The following SND1 variants were observed in gnomAD, a reference collection of about 807,000 sequenced individuals.
The protein encoded by SND1 is staphylococcal nuclease and tudor domain containing 1.
A neutral mutation model predicts 121.7 loss-of-function variants in SND1; 38 were observed. The ratio of observed to expected loss-of-function variants is 0.31; its 90% CI spans 0.24 to 0.41. SND1 has a LOEUF of 0.41. Ranked by LOEUF, SND1 falls within the 10% of genes least tolerant of loss-of-function variation. The pLI, the probability that SND1 is intolerant of heterozygous loss-of-function variation, is 1.00. For missense variants in SND1, 868 were observed against 1,184.6 expected (o/e 0.73, Z 3.92); for synonymous variants, 401 against 447.4 (o/e 0.90, Z 1.31).
chr7:128,025,498 T>C (rs1767359810), intron 16 of SND1, among the ~76,000 whole-genome samples: 3 of 152,230 alleles, frequency 2.0e-5, no homozygotes, highest in Non-Finnish European at 4.4e-5. Flanking sequence ...CAAGAGTCTT[T>C]ACATCCAACG....
intron 16 of SND1, among the ~76,000 whole-genome samples, chr7:128,035,288 A>G (rs1451907473): frequency 6.6e-6 from 1 of 152,240 alleles, no homozygotes; most frequent in Admixed American, 6.5e-5. Flanking sequence ...CCCATCTCAG[A>G]TATGTAGCTC....
chr7:127,937,879 C>G (rs1801096202), intron 15 of SND1, among the ~76,000 whole-genome samples: 1 of 152,218 alleles, frequency 6.6e-6, no homozygotes, highest in Non-Finnish European at 1.5e-5. Flanking sequence ...GTGAGAAATC[C>G]CATTCTGCTA....
intron 9 of SND1, among the ~76,000 whole-genome samples, chr7:127,713,752 C>A (rs558023099): frequency 1.9e-4 from 29 of 152,336 alleles, no homozygotes; most frequent in African/African-American, 7.0e-4. Context: ...ACAAAGTATT[C>A]TCTGATACAT....
At chr7:127,937,997 A>C (rs1801098641) in intron 15 of SND1, among the ~76,000 whole-genome samples, 1 of 152,244 alleles carries the variant, frequency 6.6e-6, no homozygotes, top group Non-Finnish European at 1.5e-5. Flanking sequence ...TTCCTTTCAG[A>C]TGCTTTAATT....
Position 128,012,618 on chromosome 7 carries a change from T to C in SND1, c.1779+21562T>C, listed in dbSNP as rs554902950. ...GCCTCTTTTGTGTCTTCAGTGCCTA[T>C]TCCAACTCCCAAGCACTATTTTGCT... On this transcript the variant is annotated intron_variant, in intron 16 of 23. Coordinates refer to ENST00000354725, the MANE Select transcript of SND1 (RefSeq NM_014390.4). Among the ~76,000 whole-genome samples, 110 of 152,328 alleles carry C rather than the reference T, an allele frequency of 7.2e-4. 1 individual carries two copies. In the South Asian group the frequency reaches 0.022, roughly 31 times the overall value.
At chr7:127,952,090 C>G (rs1801475055) in intron 15 of SND1, among the ~76,000 whole-genome samples, 1 of 152,154 alleles carries the variant, frequency 6.6e-6, no homozygotes, top group Non-Finnish European at 1.5e-5. Flanking sequence ...CCAAAAGACT[C>G]TAAACTCCTT....
chr7:127,716,022 T>C (rs1255923965), intron 9 of SND1, among the ~76,000 whole-genome samples: 1 of 152,230 alleles, frequency 6.6e-6, no homozygotes, highest in African/African-American at 2.4e-5. Context: ...CATTTGACTG[T>C]ATATGCAAGG....
rs77214615 is a variant in SND1, at chr7:127,691,239, A to G, written c.229-3589A>G. Among the ~76,000 whole-genome samples, 1,210 of 152,238 alleles carry G rather than the reference A, an allele frequency of 7.9e-3. 7 individuals are homozygous for G. Among genetic ancestry groups the G allele is most frequent in the Non-Finnish European group, 0.011 (769 of 68,006 alleles). On this transcript the variant is annotated intron_variant, in intron 2 of 23. Coordinates refer to ENST00000354725, the MANE Select transcript of SND1 (RefSeq NM_014390.4). ...ATAAAAAAAAAAATTAAGAAATACT[A>G]TCTTTAAAAAATAATAAAAGTGGCT...
At chr7:127,842,256 G>A (rs562877285) in intron 11 of SND1, among the ~76,000 whole-genome samples, 19 of 152,258 alleles carry the variant, frequency 1.2e-4, no homozygotes, top group South Asian at 1.0e-3. Flanking sequence ...GAAGGCTTCC[G>A]TCTCCTTGAT....
intron 11 of SND1, among the ~76,000 whole-genome samples, chr7:127,815,721 A>T (rs1472013126): frequency 6.6e-6 from 1 of 151,954 alleles, no homozygotes; most frequent in Non-Finnish European, 1.5e-5. Flanking sequence ...CTACACCTTG[A>T]TTTTCAACTT....
intron 15 of SND1, among the ~76,000 whole-genome samples, chr7:127,960,668 A>G (rs991412497): frequency 6.6e-5 from 10 of 152,320 alleles, no homozygotes; most frequent in African/African-American, 2.4e-4. Context: ...TAGACATTAA[A>G]TCTGTATCCA....
intron 10 of SND1, among the ~76,000 whole-genome samples, chr7:127,744,248 T>A (rs186997116): frequency 1.3e-5 from 2 of 151,910 alleles, no homozygotes; most frequent in African/African-American, 4.8e-5. Context: ...TTAATTTTTT[T>A]CCCCCCCGTT....
intron 12 of SND1, among the ~76,000 whole-genome samples, chr7:127,881,689 G>C (rs1799793285): frequency 6.6e-6 from 1 of 152,124 alleles, no homozygotes; most frequent in Non-Finnish European, 1.5e-5. Context: ...GCCCCTTCAT[G>C]GTTTGACTCT....
At chr7:128,027,880 G>C (rs918483267) in intron 16 of SND1, 1 of 152,174 alleles carries the variant, frequency 6.6e-6, no homozygotes, top group African/African-American at 2.4e-5. Flanking sequence ...GCCTTGCAGA[G>C]TGGGTTAAGC....
At chr7:127,817,842 T>G (rs1458940950) in intron 11 of SND1, among the ~76,000 whole-genome samples, 1 of 151,732 alleles carries the variant, frequency 6.6e-6, no homozygotes, top group African/African-American at 2.4e-5. Flanking sequence ...CCCTTTCTGT[T>G]GTAGTAGTTC....
intron 1 of SND1, among the ~76,000 whole-genome samples, chr7:127,680,808 G>A (rs1266619496): frequency 6.6e-6 from 1 of 151,304 alleles, no homozygotes; most frequent in South Asian, 2.1e-4. Flanking sequence ...GTAAAGACAG[G>A]CATAGGAAAT....
intron 7 of SND1, among the ~76,000 whole-genome samples, chr7:127,703,698 C>CAAG (rs1284934113): frequency 1.3e-5 from 2 of 152,072 alleles, no homozygotes; most frequent in African/African-American, 4.8e-5. Flanking sequence ...GGCAACAGAG[C>CAAG]AAGACTCTGT....
At chr7:127,774,057 T>C (rs1797569201) in intron 10 of SND1, among the ~76,000 whole-genome samples, 1 of 152,256 alleles carries the variant, frequency 6.6e-6, no homozygotes, top group Non-Finnish European at 1.5e-5. Flanking sequence ...ATCATCGTTT[T>C]AGAGTATACT....
chr7:127,665,373 G>C (rs887588946), intron 1 of SND1, among the ~76,000 whole-genome samples: 2 of 151,972 alleles, frequency 1.3e-5, no homozygotes, highest in African/African-American at 4.8e-5. Flanking sequence ...ATTTTTAGTA[G>C]AGATGGGGTT....
Sources: gnomAD v4.1 joint callset for allele counts (sites outside exome capture counted in the v4.1 genomes callset) on GRCh38, gnomAD v4.1.1 for gene constraint, MANE v1.5 for transcripts, NCBI Gene and HGNC (gene_info 2026-07-23, HGNC 2026-07-21) for gene names.